Variants in ADGRA2 observed in about 807,000 individuals in gnomAD.
ADGRA2 encodes the protein G-protein coupled receptor 124.
Under a neutral mutation model 98.7 loss-of-function variants are expected in ADGRA2, and 61 were observed. That is an observed-to-expected ratio of 0.62 (90% CI 0.50 to 0.76). ADGRA2 has a LOEUF of 0.76. Ranked by LOEUF, ADGRA2 falls within the 30% of genes least tolerant of loss-of-function variation. The pLI is 0.00. For missense variants in ADGRA2, 1,712 were observed against 1,860.0 expected, an observed-to-expected ratio of 0.92 and a Z score of 1.46; for synonymous variants, 858 against 831.5, an observed-to-expected ratio of 1.03 and a Z score of -0.55.
In ADGRA2 at chr8:37,835,350, C is replaced by A. The variant is rs1308024126; in HGVS notation, c.1785C>A (p.Arg595=). 3.7e-6 allele frequency: 6 copies of A among 1,612,952 alleles called. No homozygotes were observed. The highest frequency in any genetic ancestry group is 1.7e-4 in the Middle Eastern group (1 of 5,860). ...CAGCTGACCAGCAGCTCCGCTTCCG[C>A]TGCACCACCGGGAGGCCCAATGTTT... ...EPPADQQLRF[R]CTTGRPNVSL... is the part of the protein sequence containing the mutation. Residue 595 remains arginine, a synonymous_variant, in exon 12 of 19, where the codon CGC becomes CGA. Coordinates refer to ENST00000412232, the MANE Select transcript of ADGRA2 (RefSeq NM_032777.10).
Position 37,831,403 on chromosome 8 carries a change from G to A in ADGRA2, c.933-20G>A, listed in dbSNP as rs764113992. On this transcript the variant is annotated intron_variant, in intron 7 of 18. Coordinates refer to ENST00000412232, the MANE Select transcript of ADGRA2 (RefSeq NM_032777.10). Reference sequence around the variant, plus strand: ...GGGCCCAAGGGTGACTCACGAGCCAGCTCCACCTGCCACCCGCAGTGAGCT... The same window carrying A: ...GGGCCCAAGGGTGACTCACGAGCCAACTCCACCTGCCACCCGCAGTGAGCT... 1.2e-4 allele frequency: 188 copies of A among 1,606,470 alleles called. No homozygotes were observed. The South Asian group carries it at 2.0e-3, about 17-fold the overall frequency.
At position 37,842,694 on chromosome 8, in the gene ADGRA2, G is replaced by T. The variant is rs57562186; in HGVS notation, c.*339G>T. On this transcript the variant is annotated 3_prime_UTR_variant, in exon 19 of 19. Coordinates refer to ENST00000412232, the MANE Select transcript of ADGRA2 (RefSeq NM_032777.10). ...CTCCCACCCCGCCTACTGTCCATGC[G>T]GCCTCACTGGGGGCCATCAGCCTCA... 1,127 of 242,606 alleles carry T rather than the reference G, an allele frequency of 4.6e-3. 24 individuals are homozygous for T. Among genetic ancestry groups the T allele is most frequent in the African/African-American group, 0.023 (1,009 of 44,710 alleles). 15.0% of individuals were successfully genotyped at this position (242,606 alleles called of 1,614,324 possible). A position where few individuals can be genotyped will look rare whatever the true frequency, so the allele number is the denominator to read the frequency against.
At chr8:37,839,972 C>T (rs1478074067) in intron 16 of ADGRA2, 149 bp from the exon 17 acceptor site, 1 of 714,800 alleles carries the variant, frequency 1.4e-6, no homozygotes, top group Admixed American at 2.9e-5. Flanking sequence ...GGGATGGAAG[C>T]TTGGCGAGTG....
intron 1 of ADGRA2, among the ~76,000 whole-genome samples, chr8:37,800,362 A>G (rs945741129): frequency 6.6e-6 from 1 of 152,160 alleles, no homozygotes; most frequent in Non-Finnish European, 1.5e-5. Context: ...ATTTATGCGG[A>G]TCACACCTCT....
intron 1 of ADGRA2, among the ~76,000 whole-genome samples, chr8:37,803,303 G>T (rs1430757611): frequency 6.6e-6 from 1 of 152,196 alleles, no homozygotes; most frequent in Non-Finnish European, 1.5e-5. Context: ...CCAGAGAGGG[G>T]AGGAGAGTTC....
At chr8:37,829,208 G>A in intron 3 of ADGRA2, 53 bp from the exon 4 acceptor site, 3 of 1,358,864 alleles carry the variant, frequency 2.2e-6, no homozygotes, top group Non-Finnish European at 3.2e-6. Context: ...CTCACAAGTG[G>A]ACCCACGTGC....
chr8:37,830,009 G>A lies in ADGRA2; in HGVS notation c.713G>A (p.Cys238Tyr). ...ALGSLQEAQL[C>Y]CEGALELHTH... is the part of the protein sequence containing the mutation. ...GGCAGCCTCCAGGAGGCCCAGCTCT[G>A]CTGCGGTGAGCAAGTCCCCCCAGCT... is the stretch of plus-strand genomic sequence containing the variant. The change falls in exon 6 of 19, where the codon TGC becomes TAC. Residue 238 changes from cysteine to tyrosine, a missense_variant. By Grantham distance (194) the Cys-to-Tyr change is radical (BLOSUM62 -2). Transcript: ENST00000412232. This position sits in a 1 kb window ranked among gnomAD's most constrained non-coding sequence, Gnocchi z 4.8. The A allele has an allele frequency of 6.5e-7, 1 of 1,547,288 alleles. No homozygotes were observed. Among genetic ancestry groups the A allele is most frequent in the Non-Finnish European group, 8.7e-7 (1 of 1,148,792 alleles).
intron 2 of ADGRA2, among the ~76,000 whole-genome samples, chr8:37,822,692 C>T (rs1805160818): frequency 6.6e-6 from 1 of 152,186 alleles, no homozygotes; most frequent in Non-Finnish European, 1.5e-5. Flanking sequence ...TCTGCCTGTT[C>T]TGGACATTTT....
rs144715828 is a variant in ADGRA2, at chr8:37,823,711, G to A, written c.339-5177G>A. On this transcript the variant is annotated intron_variant, in intron 2 of 18. Transcript: ENST00000412232. ...TGTAAGGGTTCCAGTTCTCCACATC[G>A]TCATCAACACTTGCTGGAGTCTCTC... 3.5e-3 allele frequency among the ~76,000 whole-genome samples: 535 copies of A among 152,244 alleles called. 3 individuals are homozygous for A. The highest frequency in any genetic ancestry group is 0.012 in the African/African-American group (502 of 41,538).
rs1230793552 is a variant in ADGRA2 at position 37,833,732 on chromosome 8, G to A, written c.1341G>A (p.Leu447=). Residue 447 remains leucine, a synonymous_variant, in exon 10 of 19, where the codon CTG becomes CTA. Transcript: ENST00000412232. ...ATGCGCTGACCCTGGCTCACCAGCTGCGCGTGTACACAGCCGAGGCCGCTA... is the reference window on the plus strand; with the variant it reads ...ATGCGCTGACCCTGGCTCACCAGCTACGCGTGTACACAGCCGAGGCCGCTA... ...ASNALTLAHQ[L]RVYTAEAASF... 2 of 1,614,214 alleles carry A rather than the reference G, an allele frequency of 1.2e-6. No individual in the cohort carries two copies. Among genetic ancestry groups the A allele is most frequent in the African/African-American group, 1.3e-5 (1 of 75,076 alleles).
chr8:37,831,775 C>T (rs1481842204), intron 8 of ADGRA2, among the ~76,000 whole-genome samples, 188 bp downstream of exon 8: 1 of 152,228 alleles, frequency 6.6e-6, no homozygotes, highest in African/African-American at 2.4e-5. Flanking sequence ...TATAAACTTA[C>T]CATCTGAGGC....
chr8:37,816,391 G>A (rs546689019), intron 2 of ADGRA2, among the ~76,000 whole-genome samples: 19 of 152,146 alleles, frequency 1.2e-4, no homozygotes, highest in African/African-American at 4.1e-4. Context: ...TCAGGAGTTC[G>A]AGACTAACCT....
chr8:37,825,990 G>C (rs948544205), intron 2 of ADGRA2, among the ~76,000 whole-genome samples: 1 of 152,200 alleles, frequency 6.6e-6, no homozygotes, highest in African/African-American at 2.4e-5. Flanking sequence ...GCATGGCTGG[G>C]CTGCAGGAAA....
intron 2 of ADGRA2, among the ~76,000 whole-genome samples, chr8:37,825,829 C>A (rs1805262813): frequency 6.6e-6 from 1 of 152,228 alleles, no homozygotes; most frequent in Non-Finnish European, 1.5e-5. Flanking sequence ...GCTCTCAGAG[C>A]TCAGCCCAGG....
At position 37,838,991 on chromosome 8, in the gene ADGRA2, CG is replaced by C; in HGVS notation, c.2299del (p.Ala767GlnfsTer43). The C allele has an allele frequency of 6.3e-7, 1 of 1,576,624 alleles. No homozygotes were observed. The highest frequency in any genetic ancestry group is 8.6e-7 in the Non-Finnish European group (1 of 1,162,004). ...SAFPREVGGA[G>X]AGLHPVVYPC... ...CCTTTCCCAGGGAGGTGGGGGGCGC[CG>C]GGGCAGGGCTGCACCCCGTGGTATA... On this transcript the variant is annotated frameshift_variant, in exon 15 of 19. Coordinates refer to ENST00000412232, the MANE Select transcript of ADGRA2 (RefSeq NM_032777.10). LOFTEE classifies it high-confidence loss of function.
chr8:37,831,930 C>T lies in ADGRA2; in HGVS notation c.1097+343C>T, dbSNP rs536705606. ...CAAAAATCAGCCAGGCATGGTGGTG[C>T]GTGCCTGTAATCCCAACTACTCAGG... On this transcript the variant is annotated intron_variant, in intron 8 of 18. Coordinates refer to ENST00000412232, the MANE Select transcript of ADGRA2 (RefSeq NM_032777.10). Among the ~76,000 whole-genome samples the T allele has an allele frequency of 9.2e-5, 14 of 152,146 alleles. 1 individual carries two copies. The highest frequency in any genetic ancestry group is 3.4e-4 in the African/African-American group (14 of 41,510).
In ADGRA2 at chr8:37,842,129, C is replaced by A; in HGVS notation, c.3791C>A (p.Ser1264Tyr). The change falls in exon 19 of 19, where the codon TCT (serine) becomes TAT (tyrosine). Residue 1264 changes from serine (S) to tyrosine (Y), a missense_variant. Physicochemically the swap from Ser to Tyr is moderately radical, Grantham distance 144. Coordinates refer to ENST00000412232, the MANE Select transcript of ADGRA2 (RefSeq NM_032777.10). ...EGSDTSAAPL[S>Y]EAGRAGQRRS... ...AGCGACACCAGCGCCGCGCCGCTTT[C>A]TGAGGCGGGCCGGGCAGGCCAGCGC... 6.7e-7 allele frequency: 1 copy of A among 1,496,870 alleles called. No homozygotes were observed. Among genetic ancestry groups the A allele is most frequent in the Non-Finnish European group, 8.8e-7 (1 of 1,130,980 alleles). 92.7% of individuals were successfully genotyped at this position (1,496,870 alleles called of 1,614,324 possible). A position where few individuals can be genotyped will look rare whatever the true frequency, so the allele number is the denominator to read the frequency against.
chr8:37,817,793 G>A (rs946046661), intron 2 of ADGRA2, among the ~76,000 whole-genome samples: 11 of 152,302 alleles, frequency 7.2e-5, no homozygotes, highest in African/African-American at 2.4e-4. Context: ...ATGGCTGGCG[G>A]ATCACCTGAG....
intron 1 of ADGRA2, among the ~76,000 whole-genome samples, chr8:37,813,316 G>A (rs990142996): frequency 6.6e-6 from 1 of 152,152 alleles, no homozygotes; most frequent in African/African-American, 2.4e-5. Context: ...GACCTTTAGA[G>A]GCCTCTAGAG....
Sources: gnomAD v4.1 joint callset for allele counts (sites outside exome capture counted in the v4.1 genomes callset) on GRCh38, gnomAD v4.1.1 for gene constraint, Gnocchi (gnomAD v3.1) non-coding constraint, MANE v1.5 for transcripts, NCBI Gene and HGNC (gene_info 2026-07-23, HGNC 2026-07-21) for gene names.